The following CSMD1 variants were observed in gnomAD, a reference collection of about 807,000 sequenced individuals.
The protein encoded by CSMD1 is CUB and sushi domain-containing protein 1.
In CSMD1, 213 loss-of-function variants were observed where a neutral mutation model predicts 417.5. The ratio of observed to expected loss-of-function variants is 0.51; its 90% confidence interval spans 0.46 to 0.57. The LOEUF (loss-of-function observed/expected upper bound fraction) is 0.57, where lower values mean the gene tolerates loss of function less well. CSMD1 is among the 20% of genes least tolerant of loss of function. The pLI, the probability that CSMD1 is intolerant of heterozygous loss-of-function variation, is 0.00. For missense variants in CSMD1, 6,923 were observed against 4,529.7 expected (o/e 1.53, Z -15.17); for synonymous variants, 2,862 against 1,736.8 (o/e 1.65, Z -16.11).
rs140244347 is a variant in CSMD1 at position 4,884,340 on chromosome 8, C to T, written c.85+109992G>A. Among the ~76,000 whole-genome samples, 1,168 of 151,984 alleles carry T rather than the reference C, an allele frequency of 7.7e-3. 9 individuals are homozygous for T. The highest frequency in any genetic ancestry group is 0.011 in the Non-Finnish European group (735 of 67,936). ...TTCTGTGGGTTATCTTTGTGTTTTC[C>T]TGATGATTTCCTTTGAGGTACAACG... On this transcript the variant is annotated intron_variant, in intron 1 of 69. Transcript: ENST00000635120.
intron 26 of CSMD1, among the ~76,000 whole-genome samples, chr8:3,253,458 C>T (rs1323263403): frequency 6.6e-6 from 1 of 152,036 alleles, no homozygotes; most frequent in African/African-American, 2.4e-5. Flanking sequence ...ACTATGTGGT[C>T]AATTTTGGAC....
chr8:4,723,005 G>C (rs1164554754), intron 1 of CSMD1, among the ~76,000 whole-genome samples: 1 of 152,110 alleles, frequency 6.6e-6, no homozygotes, highest in Non-Finnish European at 1.5e-5. Context: ...GGCATTACAA[G>C]AGTCTCACTG....
intron 4 of CSMD1, among the ~76,000 whole-genome samples, chr8:4,013,607 T>C (rs1796383944): frequency 6.6e-6 from 1 of 152,208 alleles, no homozygotes; most frequent in Non-Finnish European, 1.5e-5. Context: ...AGTTTATCTG[T>C]TGCTTCTCAT....
At chr8:4,926,818 A>G (rs1395132847) in intron 1 of CSMD1, among the ~76,000 whole-genome samples, 2 of 152,164 alleles carry the variant, frequency 1.3e-5, no homozygotes, top group African/African-American at 4.8e-5. Context: ...GTGTTTGAAT[A>G]TCTACCTAGA....
intron 7 of CSMD1, among the ~76,000 whole-genome samples, chr8:3,619,239 C>A (rs1376677038): frequency 6.6e-6 from 1 of 152,116 alleles, no homozygotes; most frequent in Non-Finnish European, 1.5e-5. Context: ...CCAGACAGGA[C>A]ATGTACCCCC....
intron 1 of CSMD1, among the ~76,000 whole-genome samples, chr8:4,900,741 C>T (rs924456161): frequency 2.6e-5 from 4 of 152,188 alleles, no homozygotes; most frequent in African/African-American, 9.7e-5. Flanking sequence ...GTTAACTTAT[C>T]CTTTCATTTT....
At chr8:3,794,629 T>A (rs1260588850) in intron 5 of CSMD1, among the ~76,000 whole-genome samples, 1 of 152,126 alleles carries the variant, frequency 6.6e-6, no homozygotes, top group Non-Finnish European at 1.5e-5. Flanking sequence ...TTTTTTAATT[T>A]GCTAAACACA....
rs781461219 is a variant in CSMD1 at position 3,108,583 on chromosome 8, C to T, written c.6754+20G>A. 5.6e-5 allele frequency: 91 copies of T among 1,612,146 alleles called. No homozygotes were observed. The highest frequency in any genetic ancestry group is 2.4e-4 in the African/African-American group (18 of 74,892). The stretch of plus-strand genomic sequence containing the variant: ...ACATGGAATTCTCAGTCTTAACTAA[C>T]GGAGTGAAAATCAACTGACCGTGGA... On this transcript the variant is annotated intron_variant, in intron 44 of 69. Coordinates refer to ENST00000635120, the MANE Select transcript of CSMD1 (RefSeq NM_033225.6).
chr8:4,126,468 T>G (rs1802772137), intron 3 of CSMD1, among the ~76,000 whole-genome samples: 1 of 152,108 alleles, frequency 6.6e-6, no homozygotes, highest in Non-Finnish European at 1.5e-5. Flanking sequence ...TTCACTTGCT[T>G]AACCTGTGCA....
intron 15 of CSMD1, among the ~76,000 whole-genome samples, chr8:3,402,100 G>A (rs1220789077): frequency 1.3e-5 from 2 of 151,978 alleles, no homozygotes; most frequent in Non-Finnish European, 2.9e-5. Flanking sequence ...TCTCATTGGG[G>A]TTACATTAAT....
At chr8:4,239,087 T>C (rs954016908) in intron 3 of CSMD1, among the ~76,000 whole-genome samples, 1 of 152,208 alleles carries the variant, frequency 6.6e-6, no homozygotes, top group Non-Finnish European at 1.5e-5. Context: ...TAAACTTATG[T>C]CACATAGTAT....
At chr8:2,993,465 G>A (rs1806589446) in intron 54 of CSMD1, among the ~76,000 whole-genome samples, 1 of 152,156 alleles carries the variant, frequency 6.6e-6, no homozygotes, top group African/African-American at 2.4e-5. Context: ...AGGGCACTGA[G>A]GCAGAGGCAA....
At chr8:3,134,859 T>C (rs1407434762) in intron 41 of CSMD1, among the ~76,000 whole-genome samples, 4 of 152,160 alleles carry the variant, frequency 2.6e-5, no homozygotes, top group Non-Finnish European at 4.4e-5. Context: ...ACCCTTGGAA[T>C]TTATGTGGAA....
At position 4,083,259 on chromosome 8, in the gene CSMD1, C is replaced by T. The variant is rs1015918937; in HGVS notation, c.416-51160G>A. Among the ~76,000 whole-genome samples the T allele has an allele frequency of 3.9e-5, 6 of 152,296 alleles. No homozygotes were observed. In the South Asian group the frequency reaches 6.2e-4, roughly 16 times the overall value. ...GTGTAAAAGTGTTCTTATTTCTCCA[C>T]AACCTCTCCAGCACCTGTCGTTTCC... On this transcript the variant is annotated intron_variant, in intron 3 of 69. Transcript: ENST00000635120.
At chr8:4,334,312 A>G (rs190594703) in intron 3 of CSMD1, among the ~76,000 whole-genome samples, 242 of 152,232 alleles carry the variant, frequency 1.6e-3, no homozygotes, top group Middle Eastern at 0.01. Context: ...TATTCCTGGG[A>G]AGGTATTTGT....
rs187165558 is a variant in CSMD1 at position 4,876,301 on chromosome 8, A to C, written c.85+118031T>G. 7.2e-4 allele frequency among the ~76,000 whole-genome samples: 110 copies of C among 152,178 alleles called. 1 individual carries two copies. The highest frequency in any genetic ancestry group is 2.6e-3 in the African/African-American group (107 of 41,480). The stretch of plus-strand genomic sequence containing the variant: ...GCTGCAATCATTGCTTCTTTAAAGG[A>C]GAGTGGTATTCATGGGCAACAGAAT... On this transcript the variant is annotated intron_variant, in intron 1 of 69. Coordinates refer to ENST00000635120, the MANE Select transcript of CSMD1 (RefSeq NM_033225.6).
chr8:4,788,510 A>G (rs1797527896), intron 1 of CSMD1: 1 of 1,395,904 alleles, frequency 7.2e-7, no homozygotes, highest in Non-Finnish European at 1.0e-6. Context: ...AGTATGGAGC[A>G]AACTGTGAGC....
chr8:3,560,143 A>C (rs1057512585), intron 10 of CSMD1, among the ~76,000 whole-genome samples: 1 of 152,186 alleles, frequency 6.6e-6, no homozygotes, highest in Non-Finnish European at 1.5e-5. Context: ...AGCAAAGTTG[A>C]TTATATAACT....
intron 2 of CSMD1, among the ~76,000 whole-genome samples, chr8:4,423,449 C>A (rs549117994): frequency 2.6e-5 from 4 of 152,076 alleles, no homozygotes; most frequent in African/African-American, 9.6e-5. Context: ...TGAAATACAT[C>A]AATCACAACA....
Sources: gnomAD v4.1 joint callset for allele counts (sites outside exome capture counted in the v4.1 genomes callset) on GRCh38, gnomAD v4.1.1 for gene constraint, MANE v1.5 for transcripts, NCBI Gene and HGNC (gene_info 2026-07-23, HGNC 2026-07-21) for gene names.